ROBO2: variants seen among roughly 807,000 people sequenced by gnomAD.
ROBO2 encodes roundabout homolog 2.
A neutral mutation model predicts 160.8 loss-of-function variants in ROBO2; 53 were observed. The ratio of observed to expected loss-of-function variants is 0.33; its 90% CI spans 0.26 to 0.41. The LOEUF is 0.41. Ranked by LOEUF, ROBO2 falls within the 10% of genes least tolerant of loss-of-function variation. ROBO2 has a pLI of 1.00. For missense variants in ROBO2, 1,577 were observed against 1,722.4 expected (o/e 0.92, Z 1.49); for synonymous variants, 664 against 611.7 (o/e 1.09, Z -1.26).
Position 77,472,496 on chromosome 3 carries a change from A to G in ROBO2, c.389-4918A>G, listed in dbSNP as rs1040550746. On this transcript the variant is annotated intron_variant, in intron 2 of 25. Transcript: ENST00000461745. ...ATTTCCTAAGTCATGGTGCATCCCA[A>G]TGTAAAAAAACATGCAAATATAATT... 3.3e-5 allele frequency among the ~76,000 whole-genome samples: 5 copies of G among 152,322 alleles called. No individual in the cohort carries two copies. In the South Asian group the frequency reaches 8.3e-4, roughly 25 times the overall value.
chr3:76,952,108 C>G (rs1481565435), intron 2 of ROBO2, among the ~76,000 whole-genome samples: 2 of 152,138 alleles, frequency 1.3e-5, no homozygotes, highest in African/African-American at 2.4e-5. Flanking sequence ...TGACTTTCAG[C>G]AGACCTCCCA....
intron 2 of ROBO2, among the ~76,000 whole-genome samples, chr3:76,804,709 T>C (rs1275188559): frequency 1.3e-5 from 2 of 152,206 alleles, no homozygotes; most frequent in Non-Finnish European, 2.9e-5. Flanking sequence ...ATAATAATAG[T>C]GCCAACCTCC....
chr3:76,350,058 C>T (rs1255052258), intron 2 of ROBO2, among the ~76,000 whole-genome samples: 1 of 152,022 alleles, frequency 6.6e-6, no homozygotes, highest in East Asian at 1.9e-4. Flanking sequence ...CCATCAGTAC[C>T]TTTGCTCACA....
intron 2 of ROBO2, among the ~76,000 whole-genome samples, chr3:77,277,081 T>G (rs2059878894): frequency 6.6e-6 from 1 of 152,044 alleles, no homozygotes; most frequent in Non-Finnish European, 1.5e-5. Flanking sequence ...CCTTGTATTT[T>G]AAAAAGAAAA....
At chr3:77,623,536 A>G (rs1202868526) in intron 23 of ROBO2, among the ~76,000 whole-genome samples, 2 of 152,188 alleles carry the variant, frequency 1.3e-5, no homozygotes, top group Non-Finnish European at 2.9e-5. Context: ...TCAATGTGTG[A>G]TGCATGAGCC....
chr3:76,322,882 C>T (rs759624769), intron 2 of ROBO2, among the ~76,000 whole-genome samples: 6 of 152,066 alleles, frequency 3.9e-5, no homozygotes, highest in South Asian at 2.1e-4. Context: ...TAGCAGCTCA[C>T]GTTTGCTAAA....
intron 16 of ROBO2, among the ~76,000 whole-genome samples, chr3:77,585,253 G>T (rs1207894440): frequency 6.7e-6 from 1 of 150,242 alleles, no homozygotes; most frequent in Non-Finnish European, 1.5e-5. Context: ...AGATATTTGG[G>T]GGATTTATTT....
At chr3:77,096,219 A>G (rs1050215025) in intron 1 of ROBO2, among the ~76,000 whole-genome samples, 2 of 152,264 alleles carry the variant, frequency 1.3e-5, no homozygotes, top group Admixed American at 6.5e-5. Context: ...AAAATCTTAT[A>G]TAAGAGCAAA....
intron 2 of ROBO2, among the ~76,000 whole-genome samples, chr3:76,047,318 A>G (rs2067484596): frequency 6.6e-6 from 1 of 152,208 alleles, no homozygotes; most frequent in African/African-American, 2.4e-5. Context: ...AGATGAAAAG[A>G]ACCAAAAATA....
chr3:76,636,805 A>G (rs2090359557), intron 2 of ROBO2, among the ~76,000 whole-genome samples: 1 of 151,888 alleles, frequency 6.6e-6, no homozygotes, highest in African/African-American at 2.4e-5. Context: ...TAGGAACTGT[A>G]ACAAAGGCAA....
intron 2 of ROBO2, among the ~76,000 whole-genome samples, chr3:76,789,232 C>T (rs2063188794): frequency 6.6e-6 from 1 of 151,424 alleles, no homozygotes; most frequent in African/African-American, 2.4e-5. Flanking sequence ...AGCTCATGTC[C>T]TCTATTGTCT....
chr3:76,791,675 A>G lies in ROBO2; in HGVS notation c.110-306339A>G, dbSNP rs1048740662. ...GAGAGAGGCTTAGCTGAACCAACCA[A>G]CTAAGCTGCTCCCAAATTCTGGATC... On this transcript the variant is annotated intron_variant, in intron 2 of 26. Transcript: ENST00000487694. Among the ~76,000 whole-genome samples the G allele has an allele frequency of 4.6e-5, 7 of 151,792 alleles. No homozygotes were observed. In the East Asian group the frequency reaches 7.8e-4, roughly 17 times the overall value.
At chr3:76,874,548 T>C (rs908094506) in intron 2 of ROBO2, among the ~76,000 whole-genome samples, 2 of 152,196 alleles carry the variant, frequency 1.3e-5, no homozygotes, top group African/African-American at 2.4e-5. Context: ...GGGGCCATGG[T>C]GCCTGCACTT....
intron 2 of ROBO2, among the ~76,000 whole-genome samples, chr3:76,834,228 A>T (rs2067462936): frequency 7.3e-6 from 1 of 136,062 alleles, no homozygotes; most frequent in Non-Finnish European, 1.6e-5. Context: ...TTCTTGAGAC[A>T]AGGTCTTACT....
intron 2 of ROBO2, among the ~76,000 whole-genome samples, chr3:76,382,085 C>T (rs1430655107): frequency 1.3e-5 from 2 of 152,104 alleles, no homozygotes; most frequent in African/African-American, 4.8e-5. Flanking sequence ...GATCCTCCCA[C>T]CTACCTAGTA....
At chr3:77,585,875 C>T (rs1261916068) in intron 16 of ROBO2, among the ~76,000 whole-genome samples, 1 of 152,118 alleles carries the variant, frequency 6.6e-6, no homozygotes, top group African/African-American at 2.4e-5. Context: ...CTATTCAGAA[C>T]TGGAAACGGC....
chr3:76,214,393 C>T (rs564128575), intron 2 of ROBO2, among the ~76,000 whole-genome samples: 1 of 152,278 alleles, frequency 6.6e-6, no homozygotes, highest in East Asian at 1.9e-4. Context: ...CACAAGGGGT[C>T]AGGGAATTCC....
At chr3:77,076,434 C>A (rs1559956981) in intron 1 of ROBO2, among the ~76,000 whole-genome samples, 1 of 151,718 alleles carries the variant, frequency 6.6e-6, no homozygotes, top group Non-Finnish European at 1.5e-5. Context: ...ATGTTTTTTT[C>A]TTTTTTCTTA....
chr3:76,170,148 G>C (rs1347164042), intron 2 of ROBO2, among the ~76,000 whole-genome samples: 1 of 152,006 alleles, frequency 6.6e-6, no homozygotes, highest in Non-Finnish European at 1.5e-5. Flanking sequence ...TCATTTTAAA[G>C]ATAACTTCTT....
Sources: gnomAD v4.1 joint callset for allele counts (sites outside exome capture counted in the v4.1 genomes callset) on GRCh38, gnomAD v4.1.1 for gene constraint, MANE v1.5 for transcripts, NCBI Gene and HGNC (gene_info 2026-07-23, HGNC 2026-07-21) for gene names.